Variants in TACC2 observed in about 807,000 individuals in gnomAD.
TACC2 encodes transforming acidic coiled-coil-containing protein 2.
Under a neutral mutation model 227.3 loss-of-function variants are expected in TACC2, and 137 were observed. The ratio of observed to expected loss-of-function variants is 0.60; its 90% CI spans 0.52 to 0.69. TACC2 has a LOEUF of 0.69. Ranked by LOEUF, TACC2 falls within the 30% of genes least tolerant of loss-of-function variation. TACC2 has a pLI of 0.00. For synonymous variants in TACC2, 1,523 were observed against 1,487.5 expected, an observed-to-expected ratio of 1.02 and a Z score of -0.55; for missense variants, 3,470 against 3,694.4, an observed-to-expected ratio of 0.94 and a Z score of 1.57.
chr10:122,224,047 G>T (rs1285267618), intron 11 of TACC2, among the ~76,000 whole-genome samples: 1 of 152,190 alleles, frequency 6.6e-6, no homozygotes, highest in African/African-American at 2.4e-5. Flanking sequence ...GAGGCAGGCA[G>T]TGGTGTTTGC....
At chr10:122,043,828 C>T (rs2074649781) in intron 2 of TACC2, among the ~76,000 whole-genome samples, 1 of 152,216 alleles carries the variant, frequency 6.6e-6, no homozygotes, top group African/African-American at 2.4e-5. Context: ...GATCTGCCCG[C>T]CTCGGCCTCC....
intron 1 of TACC2, among the ~76,000 whole-genome samples, chr10:122,013,492 C>T (rs1468164759): frequency 6.6e-6 from 1 of 152,176 alleles, no homozygotes; most frequent in Non-Finnish European, 1.5e-5. Context: ...AATTCAGTCA[C>T]TGGAGAAAGA....
Position 122,083,112 on chromosome 10 carries a change from C to A in TACC2, c.612C>A (p.Pro204=). ...AGTCACCTGGAATGTCGCCAGTACCCCTCAGAGAGCCAATGAAGGCACCGC... is the reference window on the plus strand; with the variant it reads ...AGTCACCTGGAATGTCGCCAGTACCACTCAGAGAGCCAATGAAGGCACCGC... ...IDQSPGMSPV[P]LREPMKAPLC... is the part of the protein sequence containing the mutation. Residue 204 remains proline, a synonymous_variant, in exon 4 of 23, where the codon CCC becomes CCA. Transcript: ENST00000369005. 1 of 1,613,028 alleles carries A rather than the reference C, an allele frequency of 6.2e-7. No individual in the cohort carries two copies. Among genetic ancestry groups the A allele is most frequent in the Non-Finnish European group, 8.5e-7 (1 of 1,180,016 alleles).
At chr10:122,114,911 A>G (rs1042836470) in intron 5 of TACC2, among the ~76,000 whole-genome samples, 3 of 152,210 alleles carry the variant, frequency 2.0e-5, no homozygotes, top group Non-Finnish European at 4.4e-5. Flanking sequence ...GTGCTTGAAC[A>G]TTTAAAATAT....
chr10:122,207,980 C>G (rs2095179159), intron 8 of TACC2, among the ~76,000 whole-genome samples: 1 of 152,094 alleles, frequency 6.6e-6, no homozygotes, highest in Non-Finnish European at 1.5e-5. Flanking sequence ...CTCCGTGTAT[C>G]CAGGGGCAAT....
In TACC2 at chr10:122,214,728, A is replaced by T. The variant is rs139905390; in HGVS notation, c.7284-663A>T. 6.6e-3 allele frequency among the ~76,000 whole-genome samples: 1,006 copies of T among 152,226 alleles called. 16 individuals are homozygous for T. Among genetic ancestry groups the T allele is most frequent in the African/African-American group, 0.022 (922 of 41,530 alleles). On this transcript the variant is annotated intron_variant, in intron 9 of 22. Transcript: ENST00000369005. ...CCTTTGCCTCTCAGCCCCGCTATTC[A>T]TATGGAGGAGAAAAAGGGAGAGAAG...
At chr10:122,164,000 C>T (rs1409051561) in intron 7 of TACC2, 1 of 1,576,628 alleles carries the variant, frequency 6.3e-7, no homozygotes, top group Admixed American at 1.8e-5. Context: ...AATGTAAGTG[C>T]TCCGCCCGGG....
rs142820189 is a variant in TACC2 at position 122,120,373 on chromosome 10, C to T, written c.5574-12236C>T. Among the ~76,000 whole-genome samples the T allele has an allele frequency of 2.8e-3, 424 of 152,224 alleles. 3 individuals carry two copies. Among genetic ancestry groups the T allele is most frequent in the African/African-American group, 9.9e-3 (412 of 41,554 alleles). On this transcript the variant is annotated intron_variant, in intron 5 of 22. Coordinates refer to ENST00000369005, the MANE Select transcript of TACC2 (RefSeq NM_206862.4). The stretch of plus-strand genomic sequence containing the variant: ...TGGAGGGTACCCTAGAGAGAATAGT[C>T]GAAACCCTCATTAGGTGGAAGAGGC...
At chr10:122,032,891 G>T (rs560710967) in intron 2 of TACC2, among the ~76,000 whole-genome samples, 1 of 152,038 alleles carries the variant, frequency 6.6e-6, no homozygotes, top group Non-Finnish European at 1.5e-5. Context: ...CCTGGCAGGC[G>T]CAGTTTGTAG....
intron 7 of TACC2, chr10:122,163,594 G>T: frequency 9.9e-7 from 1 of 1,006,594 alleles, no homozygotes; most frequent in Non-Finnish European, 1.2e-6. Flanking sequence ...CGGCTGCCGG[G>T]GGGTTTAAGA....
chr10:122,202,013 C>CTTTTT (rs767544440), intron 8 of TACC2, among the ~76,000 whole-genome samples: 11 of 102,352 alleles, frequency 1.1e-4, no homozygotes, highest in Non-Finnish European at 1.5e-4. Flanking sequence ...TCTTCTTTAG[C>CTTTTT]TTTTTTTTTT....
intron 5 of TACC2, among the ~76,000 whole-genome samples, chr10:122,095,964 T>C (rs574136379): frequency 2.0e-5 from 3 of 152,226 alleles, no homozygotes; most frequent in Non-Finnish European, 4.4e-5. Context: ...GAAGCCACTG[T>C]GTCTTTGCAT....
chr10:122,085,198 G>A lies in TACC2; in HGVS notation c.2698G>A (p.Glu900Lys). ...AGGACAGGAGCAGGCTTTGGGATCA[G>A]AACTTCAAAGTCAGCTCCCCAAAGG... Reference protein sequence around the residue: ...HGGQEQALGSELQSQLPKGTL... With the variant: ...HGGQEQALGSKLQSQLPKGTL... Residue 900 changes from glutamate to lysine, a missense_variant, in exon 4 of 23, where the codon GAA (glutamate) becomes AAA (lysine). Transcript: ENST00000369005. 1 of 1,614,074 alleles carries A rather than the reference G, an allele frequency of 6.2e-7. No individual in the cohort carries two copies. Among genetic ancestry groups the A allele is most frequent in the Non-Finnish European group, 8.5e-7 (1 of 1,180,034 alleles).
chr10:122,137,261 T>G (rs2089852467), intron 6 of TACC2, among the ~76,000 whole-genome samples: 1 of 151,150 alleles, frequency 6.6e-6, no homozygotes, highest in Non-Finnish European at 1.5e-5. Flanking sequence ...CCACTTGTAC[T>G]CTCATCTGTT....
intron 6 of TACC2, among the ~76,000 whole-genome samples, chr10:122,139,475 T>C (rs2090211857): frequency 6.6e-6 from 1 of 152,234 alleles, no homozygotes; most frequent in African/African-American, 2.4e-5. Flanking sequence ...GGCTTTTCAG[T>C]GGCTGCCTCT....
chr10:122,118,659 CAG>C (rs2085173871), intron 5 of TACC2, among the ~76,000 whole-genome samples: 1 of 152,174 alleles, frequency 6.6e-6, no homozygotes, highest in Non-Finnish European at 1.5e-5. Flanking sequence ...GTTTTGGAAT[CAG>C]GGAAAATCTG....
intron 2 of TACC2, among the ~76,000 whole-genome samples, chr10:122,049,677 C>T (rs1362449617): frequency 6.6e-6 from 1 of 151,858 alleles, no homozygotes; most frequent in Admixed American, 6.6e-5. Context: ...AGCCCTTTCC[C>T]TTCTTCTGAT....
intron 5 of TACC2, among the ~76,000 whole-genome samples, chr10:122,115,271 AGTGTGTGTGTGTGTGTGTGT>A (rs1180604805): frequency 0.068 from 4,121 of 60,740 alleles, 220 homozygotes; most frequent in African/African-American, 0.13. Context: ...TAGGTAGGTG[AGTGTGTGTGTGTGTGTGTGT>A]GTGTGTGTGT....
chr10:122,025,404 G>A (rs1449670614), intron 2 of TACC2, among the ~76,000 whole-genome samples: 7 of 151,476 alleles, frequency 4.6e-5, no homozygotes, highest in South Asian at 2.1e-4. Context: ...GGGATTACAC[G>A]CGCATGCCAC....
Sources: gnomAD v4.1 joint callset for allele counts (sites outside exome capture counted in the v4.1 genomes callset) on GRCh38, gnomAD v4.1.1 for gene constraint, MANE v1.5 for transcripts, NCBI Gene and HGNC (gene_info 2026-07-23, HGNC 2026-07-21) for gene names.